GLRA2: variants seen among roughly 807,000 people sequenced by gnomAD.
GLRA2 encodes glycine receptor alpha 2.
GLRA2 carries 11 observed loss-of-function variants against 31.6 expected under a neutral mutation model. The ratio of observed to expected loss-of-function variants is 0.35; its 90% CI spans 0.22 to 0.58. The LOEUF (loss-of-function observed/expected upper bound fraction) is 0.58, where lower values mean the gene tolerates loss of function less well. Ranked by LOEUF, GLRA2 falls within the 20% of genes least tolerant of loss-of-function variation. GLRA2 has a pLI of 0.84. For synonymous variants in GLRA2, 132 were observed against 134.0 expected (o/e 0.99, Z 0.10); for missense variants, 212 against 351.8 (o/e 0.60, Z 3.18).
intron 7 of GLRA2, among the ~76,000 whole-genome samples, chrX:14,656,961 CAG>C (rs767511010): frequency 8.1e-5 from 9 of 111,445 alleles, no homozygotes; most frequent in African/African-American, 2.9e-4. Context: ...GACATTTGAG[CAG>C]AGACTTGAAT....
At chrX:14,574,272 T>A in intron 2 of GLRA2, 61 bp from the exon 3 acceptor site, 1 of 704,098 alleles carries the variant, frequency 1.4e-6, no homozygotes, top group Non-Finnish European at 2.3e-6. Flanking sequence ...ATTGCACAGA[T>A]GTTAATGGAG....
chrX:14,646,399 T>C (rs903211359), intron 7 of GLRA2, among the ~76,000 whole-genome samples: 5 of 111,117 alleles, frequency 4.5e-5, no homozygotes, highest in Non-Finnish European at 9.5e-5. Context: ...TTTAATTAAC[T>C]AATTTAATCA....
At chrX:14,627,902 T>A (rs2090605674) in intron 7 of GLRA2, among the ~76,000 whole-genome samples, 1 of 112,130 alleles carries the variant, frequency 8.9e-6, no homozygotes, top group Non-Finnish European at 1.9e-5. Context: ...CTTTGTTAGT[T>A]CCAAACCGTA....
intron 8 of GLRA2, among the ~76,000 whole-genome samples, chrX:14,728,634 G>A (rs2147271527): frequency 8.9e-6 from 1 of 111,907 alleles, no homozygotes; most frequent in South Asian, 3.8e-4. Context: ...GCCATGTTTA[G>A]GGCTGGCTTC....
rs145571597 is a variant in GLRA2, at chrX:14,702,830, C to T, written c.1080+11971C>T. 3.1e-3 allele frequency among the ~76,000 whole-genome samples: 340 copies of T among 111,169 alleles called. 1 individual carries two copies. Among genetic ancestry groups the T allele is most frequent in the African/African-American group, 0.01 (308 of 30,533 alleles). ...ATTGGGTGGCACTTGGACAGGGTTG[C>T]GTGAAAAGGTGGCTCCTCACAGCAT... is the stretch of plus-strand genomic sequence containing the variant. On this transcript the variant is annotated intron_variant, in intron 8 of 8. Coordinates refer to ENST00000218075, the MANE Select transcript of GLRA2 (RefSeq NM_002063.4).
chrX:14,493,879 A>G, the GLRA2 span, among the ~76,000 whole-genome samples: 1 of 108,168 alleles, frequency 9.2e-6, no homozygotes, highest in Non-Finnish European at 1.9e-5. Flanking sequence ...ACTAAAGGAT[A>G]TACATGAAAA....
At chrX:14,667,972 C>T (rs2091052090) in intron 7 of GLRA2, among the ~76,000 whole-genome samples, 1 of 112,176 alleles carries the variant, frequency 8.9e-6, no homozygotes, top group Non-Finnish European at 1.9e-5. Flanking sequence ...CACAACTCAG[C>T]TGGAACCTCT....
the GLRA2 span, among the ~76,000 whole-genome samples, chrX:14,469,151 C>T: frequency 9.0e-6 from 1 of 111,372 alleles, no homozygotes; most frequent in Admixed American, 9.6e-5. Context: ...TTTTGCTGTG[C>T]AGAAGCTCTT....
the GLRA2 span, among the ~76,000 whole-genome samples, chrX:14,487,534 A>C: frequency 9.0e-6 from 1 of 110,700 alleles, no homozygotes; most frequent in African/African-American, 3.3e-5. Flanking sequence ...TGGACTTCAT[A>C]TTTCAGCTCA....
At position 14,704,458 on chromosome X, in the gene GLRA2, A is replaced by G. The variant is rs560123498; in HGVS notation, c.1080+13599A>G. 4.4e-5 allele frequency among the ~76,000 whole-genome samples: 5 copies of G among 112,616 alleles called. No individual in the cohort carries two copies. The South Asian group carries it at 1.8e-3, about 41-fold the overall frequency. ...TCAGCATAACTGGACTCTCATAAAA[A>G]GATCGAGCTAAATGACAGAAAAGTC... is the stretch of plus-strand genomic sequence containing the variant. On this transcript the variant is annotated intron_variant, in intron 8 of 8. Coordinates refer to ENST00000218075, the MANE Select transcript of GLRA2 (RefSeq NM_002063.4).
intron 2 of GLRA2, among the ~76,000 whole-genome samples, chrX:14,543,223 C>T (rs868410272): frequency 3.1e-4 from 26 of 82,559 alleles, no homozygotes; most frequent in African/African-American, 1.2e-3. Context: ...TTGGGAGTCA[C>T]TCTTGTCATC....
chrX:14,687,063 A>C (rs1453303798), intron 7 of GLRA2, among the ~76,000 whole-genome samples: 2 of 111,591 alleles, frequency 1.8e-5, no homozygotes, highest in East Asian at 5.6e-4. Context: ...TTACTTATGA[A>C]GCTTAGTTTG....
At chrX:14,573,139 A>C (rs1167366927) in intron 2 of GLRA2, among the ~76,000 whole-genome samples, 13 of 112,270 alleles carry the variant, frequency 1.2e-4, no homozygotes, top group Middle Eastern at 4.6e-3. Flanking sequence ...GTTTCAAAGA[A>C]TAACAACACA....
At chrX:14,596,957 G>GT (rs2147083287) in intron 4 of GLRA2, among the ~76,000 whole-genome samples, 1 of 111,511 alleles carries the variant, frequency 9.0e-6, no homozygotes, top group South Asian at 3.9e-4. Flanking sequence ...GCCTAGCGGT[G>GT]TTTTTTATCC....
the GLRA2 span, among the ~76,000 whole-genome samples, chrX:14,471,526 A>G: frequency 9.8e-5 from 11 of 112,220 alleles, no homozygotes; most frequent in Non-Finnish European, 1.3e-4. Context: ...GGCTATTACT[A>G]CTAATAGCCA....
At chrX:14,594,420 A>G (rs1217452783) in intron 4 of GLRA2, among the ~76,000 whole-genome samples, 2 of 111,696 alleles carry the variant, frequency 1.8e-5, no homozygotes, top group Non-Finnish European at 3.8e-5. Flanking sequence ...TGTGCAGGCT[A>G]CATTTTACCT....
chrX:14,451,407 G>T, the GLRA2 span, among the ~76,000 whole-genome samples: 1 of 110,421 alleles, frequency 9.1e-6, no homozygotes, highest in African/African-American at 3.3e-5. Context: ...GAGGTGGGTG[G>T]ATTGCCTGAG....
intron 2 of GLRA2, among the ~76,000 whole-genome samples, chrX:14,563,824 T>C (rs2089764164): frequency 9.0e-6 from 1 of 111,396 alleles, no homozygotes; most frequent in Non-Finnish European, 1.9e-5. Flanking sequence ...AAATTGAAAA[T>C]TCACTAGGGT....
At chrX:14,663,689 T>C (rs1569518490) in intron 7 of GLRA2, among the ~76,000 whole-genome samples, 4 of 111,889 alleles carry the variant, frequency 3.6e-5, no homozygotes, top group East Asian at 2.8e-4. Context: ...AATCTATTAC[T>C]AAAATATTTC....
Sources: allele counts gnomAD v4.1 joint callset (sites outside exome capture counted in the v4.1 genomes callset), GRCh38; gene constraint gnomAD v4.1.1; transcripts MANE v1.5; gene names NCBI Gene and HGNC (gene_info 2026-07-23, HGNC 2026-07-21).